Variants in CNTNAP2 observed in about 807,000 individuals in gnomAD.
The protein encoded by CNTNAP2 is contactin associated protein 2, also known as contactin-associated protein-like 2.
In CNTNAP2, 98 loss-of-function variants were observed where a neutral mutation model predicts 155.2. The observed-to-expected ratio is 0.63, with a 90% confidence interval of 0.54 to 0.75. CNTNAP2 has a LOEUF of 0.75. Among genes scored for constraint, CNTNAP2 ranks in the 30% least tolerant of loss-of-function variants. The pLI is 0.00. For synonymous variants in CNTNAP2, 651 were observed against 631.2 expected, an observed-to-expected ratio of 1.03 and a Z score of -0.47; for missense variants, 1,727 against 1,688.1, an observed-to-expected ratio of 1.02 and a Z score of -0.40.
At chr7:147,882,843 A>G (rs1799544421) in intron 13 of CNTNAP2, among the ~76,000 whole-genome samples, 2 of 152,238 alleles carry the variant, frequency 1.3e-5, no homozygotes, top group South Asian at 2.1e-4. Context: ...AGAAATCCTT[A>G]TATGTGAATT....
At chr7:147,683,118 T>C (rs1161399810) in intron 13 of CNTNAP2, among the ~76,000 whole-genome samples, 4 of 151,894 alleles carry the variant, frequency 2.6e-5, no homozygotes, top group Admixed American at 2.6e-4. Context: ...ATTCGGGGCA[T>C]TTTCTTTCAT....
intron 9 of CNTNAP2, among the ~76,000 whole-genome samples, chr7:147,316,302 A>G (rs540150777): frequency 1.3e-5 from 2 of 152,140 alleles, no homozygotes; most frequent in Non-Finnish European, 1.5e-5. Flanking sequence ...ATTATCAGAC[A>G]TTTGTTGCAC....
intron 1 of CNTNAP2, among the ~76,000 whole-genome samples, chr7:146,610,089 C>T (rs1164755715): frequency 6.6e-6 from 1 of 152,148 alleles, no homozygotes; most frequent in African/African-American, 2.4e-5. Flanking sequence ...ATACAATCTT[C>T]AGGTGAGTCA....
chr7:148,075,880 G>A (rs1314380002), intron 15 of CNTNAP2, among the ~76,000 whole-genome samples: 7 of 152,120 alleles, frequency 4.6e-5, no homozygotes, highest in Non-Finnish European at 7.4e-5. Context: ...TTATCAAAGT[G>A]GTGCCAAAAA....
intron 12 of CNTNAP2, among the ~76,000 whole-genome samples, chr7:147,599,351 C>T (rs779875164): frequency 6.6e-5 from 10 of 151,608 alleles, no homozygotes; most frequent in Non-Finnish European, 1.0e-4. Context: ...AAAAATTAGC[C>T]GGCATGGTGT....
chr7:146,480,518 A>G (rs10274676), intron 1 of CNTNAP2, among the ~76,000 whole-genome samples: 31,065 of 151,676 alleles, frequency 0.2, 4,467 homozygotes, highest in African/African-American at 0.41. Flanking sequence ...ATGGTGATCT[A>G]TTCATAAAGA....
At chr7:146,941,122 G>A (rs1797046946) in intron 3 of CNTNAP2, among the ~76,000 whole-genome samples, 1 of 151,886 alleles carries the variant, frequency 6.6e-6, no homozygotes. Context: ...AGTAATTATT[G>A]ATAGGTAATA....
intron 17 of CNTNAP2, among the ~76,000 whole-genome samples, chr7:148,159,967 G>A (rs955066037): frequency 2.6e-5 from 4 of 151,926 alleles, no homozygotes; most frequent in South Asian, 4.2e-4. Context: ...TGCTGGGCGC[G>A]GTGGCTCACG....
chr7:147,933,856 C>T (rs1431818697), intron 14 of CNTNAP2, among the ~76,000 whole-genome samples: 3 of 151,866 alleles, frequency 2.0e-5, no homozygotes, highest in Non-Finnish European at 4.4e-5. Context: ...GAGTGAGACT[C>T]TATCTCAAAA....
chr7:147,376,116 T>A (rs759832117), intron 9 of CNTNAP2, among the ~76,000 whole-genome samples: 1 of 152,046 alleles, frequency 6.6e-6, no homozygotes, highest in South Asian at 2.1e-4. Context: ...AATTAAAAGT[T>A]GCATCTGTTA....
In CNTNAP2 at chr7:147,556,476, G is replaced by C. The variant is rs567201416; in HGVS notation, c.1778-5662G>C. Among the ~76,000 whole-genome samples the C allele has an allele frequency of 7.9e-5, 12 of 152,268 alleles. No homozygotes were observed. In the South Asian group the frequency reaches 2.5e-3, roughly 32 times the overall value. On this transcript the variant is annotated intron_variant, in intron 11 of 23. Transcript: ENST00000361727. ...CTTGTTAAGAGCCTTGATTTGAGGA[G>C]ATTATCCTGGATTATCTGGGTGGCT...
chr7:147,757,522 A>G (rs1797228824), intron 13 of CNTNAP2, among the ~76,000 whole-genome samples: 2 of 152,096 alleles, frequency 1.3e-5, no homozygotes, highest in African/African-American at 4.8e-5. Flanking sequence ...TATAGGCTTG[A>G]CTTGTACCTT....
chr7:146,836,824 T>C (rs1803627087), intron 2 of CNTNAP2, among the ~76,000 whole-genome samples: 1 of 152,154 alleles, frequency 6.6e-6, no homozygotes, highest in Non-Finnish European at 1.5e-5. Context: ...CTCCCAGCTT[T>C]TGTCTTGAAT....
intron 3 of CNTNAP2, among the ~76,000 whole-genome samples, chr7:146,941,616 C>A (rs1329424119): frequency 2.6e-5 from 4 of 152,068 alleles, no homozygotes; most frequent in Non-Finnish European, 4.4e-5. Flanking sequence ...TTGTGTTAAT[C>A]TTAGTGTCCT....
At chr7:147,487,941 C>T (rs994348254) in intron 11 of CNTNAP2, among the ~76,000 whole-genome samples, 3 of 152,100 alleles carry the variant, frequency 2.0e-5, no homozygotes, top group East Asian at 3.9e-4. Context: ...TAATAAAAGC[C>T]TGATCTTTTG....
intron 1 of CNTNAP2, among the ~76,000 whole-genome samples, chr7:146,423,207 A>G (rs994018542): frequency 6.6e-6 from 1 of 152,138 alleles, no homozygotes; most frequent in African/African-American, 2.4e-5. Flanking sequence ...GGAAGGAAGA[A>G]TAGTCATATG....
At chr7:147,513,097 T>A (rs1799050427) in intron 11 of CNTNAP2, among the ~76,000 whole-genome samples, 1 of 152,146 alleles carries the variant, frequency 6.6e-6, no homozygotes, top group Non-Finnish European at 1.5e-5. Flanking sequence ...ATTTGAATAT[T>A]TTTTCATATT....
At chr7:147,833,278 A>G (rs1282383282) in intron 13 of CNTNAP2, among the ~76,000 whole-genome samples, 1 of 152,106 alleles carries the variant, frequency 6.6e-6, no homozygotes, top group Non-Finnish European at 1.5e-5. Flanking sequence ...GGAAGTTAGG[A>G]GATAGAGATC....
In CNTNAP2 at chr7:146,525,919, A is replaced by T. The variant is rs558181414; in HGVS notation, c.98-248352A>T. ...TCCAGTCCCCATGCTGTATCTGCTT[A>T]TGTTAGCCAATGGAGCCACACAGTG... On this transcript the variant is annotated intron_variant, in intron 1 of 23. Coordinates refer to ENST00000361727, the MANE Select transcript of CNTNAP2 (RefSeq NM_014141.6). Among the ~76,000 whole-genome samples, 6 of 152,294 alleles carry T rather than the reference A, an allele frequency of 3.9e-5. No homozygotes were observed. The South Asian group carries it at 1.2e-3, about 32-fold the overall frequency.
Sources: gnomAD v4.1 joint callset for allele counts (sites outside exome capture counted in the v4.1 genomes callset) on GRCh38, gnomAD v4.1.1 for gene constraint, MANE v1.5 for transcripts, NCBI Gene and HGNC (gene_info 2026-07-23, HGNC 2026-07-21) for gene names.